The following MTUS2 variants were observed in gnomAD, a reference collection of about 807,000 sequenced individuals.
The protein encoded by MTUS2 is microtubule-associated tumor suppressor candidate 2.
A neutral mutation model predicts 114.1 loss-of-function variants in MTUS2; 40 were observed. The observed-to-expected ratio is 0.35, with a 90% CI of 0.27 to 0.46. The LOEUF (loss-of-function observed/expected upper bound fraction) is 0.46. MTUS2 is among the 20% of genes least tolerant of loss of function. MTUS2 has a pLI of 1.00. For missense variants in MTUS2, 1,679 were observed against 1,705.4 expected, an observed-to-expected ratio of 0.98 and a Z score of 0.27; for synonymous variants, 688 against 672.0, an observed-to-expected ratio of 1.02 and a Z score of -0.37.
chr13:28,904,863 A>T (rs1304946737), intron 2 of MTUS2, among the ~76,000 whole-genome samples: 1 of 151,638 alleles, frequency 6.6e-6, no homozygotes, highest in Non-Finnish European at 1.5e-5. Context: ...CATTTTCATG[A>T]TATTGATTCT....
At chr13:29,336,189 A>C (rs930306505) in intron 7 of MTUS2, among the ~76,000 whole-genome samples, 2 of 152,130 alleles carry the variant, frequency 1.3e-5, no homozygotes, top group Non-Finnish European at 2.9e-5. Context: ...CTTGCTGGCC[A>C]GGAGTTGTAA....
intron 3 of MTUS2, among the ~76,000 whole-genome samples, chr13:29,029,628 ATT>A (rs1480532544): frequency 3.9e-5 from 6 of 152,134 alleles, no homozygotes. Context: ...AAAGAGGTTT[ATT>A]TGGCTCATGG....
chr13:29,402,983 C>T (rs1026873223), intron 8 of MTUS2, among the ~76,000 whole-genome samples: 4 of 152,172 alleles, frequency 2.6e-5, no homozygotes, highest in African/African-American at 9.7e-5. Flanking sequence ...GATCTGCCTG[C>T]CTCGGCCTCC....
intron 6 of MTUS2, among the ~76,000 whole-genome samples, chr13:29,287,745 T>A (rs1382388719): frequency 6.6e-6 from 1 of 152,206 alleles, no homozygotes; most frequent in Non-Finnish European, 1.5e-5. Context: ...TTCTTCCTAT[T>A]CCAGACCAAA....
At chr13:29,462,731 C>G (rs1014484754) in intron 9 of MTUS2, among the ~76,000 whole-genome samples, 1 of 152,050 alleles carries the variant, frequency 6.6e-6, no homozygotes, top group Non-Finnish European at 1.5e-5. Context: ...GAAGGCTGTG[C>G]TTTTGTGTGG....
intron 13 of MTUS2, 42 bp downstream of exon 13, chr13:29,497,378 GCC>G (rs1158775683): frequency 6.4e-7 from 1 of 1,554,184 alleles, no homozygotes; most frequent in East Asian, 2.4e-5. Context: ...CAGGAACCCC[GCC>G]CCAGCAAGGC....
At chr13:29,132,462 C>T (rs552053954) in intron 5 of MTUS2, among the ~76,000 whole-genome samples, 3 of 152,136 alleles carry the variant, frequency 2.0e-5, no homozygotes, top group African/African-American at 7.2e-5. Context: ...ATCACCACCA[C>T]CCATCCACAG....
At chr13:29,468,139 CA>C (rs1240071282) in intron 9 of MTUS2, among the ~76,000 whole-genome samples, 1 of 151,936 alleles carries the variant, frequency 6.6e-6, no homozygotes, top group Non-Finnish European at 1.5e-5. Flanking sequence ...AAAAAAATCC[CA>C]AAAGAGTACA....
chr13:29,362,644 T>G (rs541242713), intron 8 of MTUS2, among the ~76,000 whole-genome samples: 93 of 152,186 alleles, frequency 6.1e-4, no homozygotes, highest in Non-Finnish European at 9.7e-4. Context: ...CCGAGATTGC[T>G]CCACTGCACT....
chr13:29,381,415 T>A (rs561404816), intron 8 of MTUS2, among the ~76,000 whole-genome samples: 1 of 152,334 alleles, frequency 6.6e-6, no homozygotes, highest in African/African-American at 2.4e-5. Flanking sequence ...AATATAAGAA[T>A]TACTTATAGG....
chr13:28,902,729 T>G (rs1879719103), intron 2 of MTUS2, among the ~76,000 whole-genome samples: 1 of 152,158 alleles, frequency 6.6e-6, no homozygotes, highest in African/African-American at 2.4e-5. Flanking sequence ...AATATTATGT[T>G]TAGGATTTTT....
intron 8 of MTUS2, among the ~76,000 whole-genome samples, chr13:29,409,163 TA>T (rs1358280655): frequency 1.3e-5 from 2 of 151,958 alleles, no homozygotes; most frequent in Non-Finnish European, 2.9e-5. Context: ...CTACTAAAAA[TA>T]CAAAAATTAG....
In MTUS2 at chr13:29,500,060, C is replaced by A. The variant is rs180853814; in HGVS notation, c.3799-1037C>A. Reference sequence around the variant, plus strand: ...AGCTGTTCTGAGAGCAGCCACCCATCTTCCCCCTCCTGGCTTGGCCATTTG... The same window carrying A: ...AGCTGTTCTGAGAGCAGCCACCCATATTCCCCCTCCTGGCTTGGCCATTTG... On this transcript the variant is annotated intron_variant, in intron 14 of 15. Transcript: ENST00000612955. 8.7e-4 allele frequency among the ~76,000 whole-genome samples: 132 copies of A among 152,180 alleles called. 2 individuals carry two copies. Among genetic ancestry groups the A allele is most frequent in the African/African-American group, 3.1e-3 (129 of 41,580 alleles).
At chr13:29,176,674 C>G (rs1312622607) in intron 5 of MTUS2, among the ~76,000 whole-genome samples, 1 of 152,222 alleles carries the variant, frequency 6.6e-6, no homozygotes, top group Admixed American at 6.5e-5. Context: ...TAATCCCTTT[C>G]ACGAGGGCTC....
At chr13:29,205,389 C>A (rs1328353291) in intron 5 of MTUS2, among the ~76,000 whole-genome samples, 18 of 151,792 alleles carry the variant, frequency 1.2e-4, no homozygotes, top group Admixed American at 5.9e-4. Flanking sequence ...AATGTCATTT[C>A]TCTCTTTTCG....
At chr13:29,067,834 T>A (rs1377015728) in intron 4 of MTUS2, among the ~76,000 whole-genome samples, 1 of 152,144 alleles carries the variant, frequency 6.6e-6, no homozygotes, top group African/African-American at 2.4e-5. Context: ...TGAGGTCACA[T>A]GCAGAAGGGT....
chr13:29,345,696 A>C (rs4769726), intron 7 of MTUS2, among the ~76,000 whole-genome samples: 123,091 of 151,884 alleles, frequency 0.81, 50,774 homozygotes, highest in East Asian at 0.9. Context: ...TGCTAGTGAG[A>C]TAGTGTGATC....
chr13:29,491,861 GTA>G (rs1010722602), intron 11 of MTUS2, among the ~76,000 whole-genome samples: 4 of 142,090 alleles, frequency 2.8e-5, no homozygotes, highest in Admixed American at 2.1e-4. Context: ...CATGTGCCAT[GTA>G]TGTGATGTGT....
chr13:29,092,057 C>A (rs1889977834), intron 4 of MTUS2, among the ~76,000 whole-genome samples: 1 of 152,180 alleles, frequency 6.6e-6, no homozygotes, highest in African/African-American at 2.4e-5. Context: ...GTTTAGATGT[C>A]AAGAGTGATT....
Sources: allele counts gnomAD v4.1 joint callset (sites outside exome capture counted in the v4.1 genomes callset), GRCh38; gene constraint gnomAD v4.1.1; transcripts MANE v1.5; gene names NCBI Gene and HGNC (gene_info 2026-07-23, HGNC 2026-07-21).